The following NAA11 variants were observed in gnomAD, a reference collection of about 807,000 sequenced individuals.
The protein encoded by NAA11 is N-alpha-acetyltransferase 11, NatA catalytic subunit.
NAA11 carries 15 observed loss-of-function variants against 16.1 expected under a neutral mutation model. That is an observed-to-expected ratio of 0.93 (90% CI 0.62 to 1.44). NAA11 has a LOEUF of 1.44. Among genes scored for constraint, NAA11 ranks in the 40% most tolerant of loss-of-function variants. The pLI, the probability that NAA11 is intolerant of heterozygous loss-of-function variation, is 0.00. For missense variants in NAA11, 298 were observed against 291.3 expected (o/e 1.02, Z -0.17); for synonymous variants, 122 against 112.4 (o/e 1.09, Z -0.54).
intron 2 of NAA11, among the ~76,000 whole-genome samples, chr4:79,281,579 T>C (rs558543443): frequency 6.6e-6 from 1 of 152,134 alleles, no homozygotes; most frequent in Non-Finnish European, 1.5e-5. Flanking sequence ...AGATAAGTGA[T>C]TAATAAATAA....
At chr4:79,298,884 T>G (rs1329691973) in intron 1 of NAA11, 1 of 152,262 alleles carries the variant, frequency 6.6e-6, no homozygotes, top group Non-Finnish European at 1.5e-5. Flanking sequence ...GTTAACAGTT[T>G]AATAACATGT....
At chr4:79,155,811 T>C in the NAA11 span, among the ~76,000 whole-genome samples, 7 of 152,248 alleles carry the variant, frequency 4.6e-5, no homozygotes, top group African/African-American at 7.2e-5. Flanking sequence ...ATTTTACCCA[T>C]GGACAAAGTA....
At chr4:79,218,202 G>GAC in the NAA11 span, among the ~76,000 whole-genome samples, 1 of 152,114 alleles carries the variant, frequency 6.6e-6, no homozygotes. Context: ...TCAGTATCAT[G>GAC]TGTCCTCACT....
intron 2 of NAA11, among the ~76,000 whole-genome samples, chr4:79,265,100 G>A (rs1722315600): frequency 6.6e-6 from 1 of 152,086 alleles, no homozygotes; most frequent in South Asian, 2.1e-4. Flanking sequence ...CTCCCAGTTG[G>A]TCGGATAAAG....
chr4:79,296,997 C>T (rs1723238851), intron 1 of NAA11, among the ~76,000 whole-genome samples: 1 of 151,624 alleles, frequency 6.6e-6, no homozygotes, highest in African/African-American at 2.4e-5. Flanking sequence ...GTGGGAGCAT[C>T]ATCAATGGCA....
intron 2 of NAA11, among the ~76,000 whole-genome samples, chr4:79,279,784 T>C (rs564502364): frequency 7.4e-4 from 112 of 152,214 alleles, no homozygotes; most frequent in Middle Eastern, 3.4e-3. Context: ...TTCTAAAGTG[T>C]TAGCTGGCAA....
At chr4:79,316,619 C>T (rs1353807186), downstream of NAA11, 1 of 152,104 alleles carries the variant, frequency 6.6e-6, no homozygotes, top group African/African-American at 2.4e-5. Context: ...ATTCAGTGAA[C>T]ATAAAAACAA....
At chr4:79,208,946 A>AAAAAAC in the NAA11 span, among the ~76,000 whole-genome samples, 3 of 148,634 alleles carry the variant, frequency 2.0e-5, no homozygotes, top group African/African-American at 7.4e-5. Context: ...AAAAAAAAAA[A>AAAAAAC]ACCCCAAAAA....
the NAA11 span, among the ~76,000 whole-genome samples, chr4:79,210,235 C>G: frequency 6.6e-6 from 1 of 151,958 alleles, no homozygotes; most frequent in African/African-American, 2.4e-5. Flanking sequence ...TGGAAAGTTA[C>G]AGTTAGGGGA....
At chr4:79,297,879 G>A (rs1206856072) in intron 1 of NAA11, among the ~76,000 whole-genome samples, 1 of 152,162 alleles carries the variant, frequency 6.6e-6, no homozygotes, top group Non-Finnish European at 1.5e-5. Flanking sequence ...CCTGAAGGCT[G>A]GGGGGCAGGC....
At chr4:79,227,252 A>G (rs1374080089) in intron 2 of NAA11, 2 of 151,986 alleles carry the variant, frequency 1.3e-5, no homozygotes, top group African/African-American at 4.8e-5. Flanking sequence ...AATTTTTGCA[A>G]TCTACTCATC....
chr4:79,325,620 C>T lies in NAA11; in HGVS notation c.258G>A (p.Leu86=). The change falls in exon 1 of 2, where the codon CTG becomes CTA. Residue 86 remains leucine (L), a synonymous_variant. Coordinates refer to ENST00000286794, the MANE Select transcript of NAA11 (RefSeq NM_032693.3). ...AVKRSHRRLG[L]AQKLMDQASR... ...AGGCCTGGTCCATCAGCTTCTGGGC[C>T]AGGCCGAGGCGCCGGTGTGAACGCT... The T allele has an allele frequency of 6.2e-7, 1 of 1,614,026 alleles. No individual in the cohort carries two copies. The highest frequency in any genetic ancestry group is 8.5e-7 in the Non-Finnish European group (1 of 1,179,948).
chr4:79,282,422 T>C (rs1205859350), intron 2 of NAA11, among the ~76,000 whole-genome samples: 2 of 151,986 alleles, frequency 1.3e-5, no homozygotes, highest in Non-Finnish European at 2.9e-5. Context: ...TAGGAGACAA[T>C]AGAAGAAGTC....
chr4:79,284,385 C>A (rs535288253), intron 2 of NAA11, among the ~76,000 whole-genome samples: 2 of 152,152 alleles, frequency 1.3e-5, no homozygotes, highest in Admixed American at 6.6e-5. Context: ...TAAATCGAAT[C>A]TTGACTGTCA....
chr4:79,307,991 G>A (rs1022786487), intron 1 of NAA11, among the ~76,000 whole-genome samples: 1 of 151,908 alleles, frequency 6.6e-6, no homozygotes, highest in African/African-American at 2.4e-5. Context: ...GTAATTCCAT[G>A]GATATGAAAT....
At chr4:79,191,340 T>G in the NAA11 span, among the ~76,000 whole-genome samples, 11 of 149,678 alleles carry the variant, frequency 7.3e-5, no homozygotes, top group African/African-American at 2.7e-4. Flanking sequence ...ATCTGCTGTT[T>G]TTTTTTTTTT....
chr4:79,160,699 A>C, the NAA11 span, among the ~76,000 whole-genome samples: 1 of 152,192 alleles, frequency 6.6e-6, no homozygotes, highest in African/African-American at 2.4e-5. Flanking sequence ...TTTAAAATCG[A>C]ATTTTTAAAC....
intron 2 of NAA11, among the ~76,000 whole-genome samples, chr4:79,249,333 A>T (rs557355716): frequency 8.7e-4 from 133 of 152,376 alleles, no homozygotes; most frequent in African/African-American, 3.1e-3. Context: ...GACATTCATG[A>T]GAAAGTTGAA....
Position 79,250,640 on chromosome 4 carries a change from T to C in NAA11, c.*123-24370A>G, listed in dbSNP as rs556311250. ...ACAAAAATTGATATGTGGGACCTGA[T>C]TAAAGTAAAGAGTTTCTGCACAGCC... is the stretch of plus-strand genomic sequence containing the variant. On this transcript the variant is annotated intron_variant and NMD_transcript_variant, in intron 2 of 2. Transcript: ENST00000511542. Among the ~76,000 whole-genome samples, 29 of 152,256 alleles carry C rather than the reference T, an allele frequency of 1.9e-4. 1 individual carries two copies. In the Middle Eastern group the frequency reaches 0.01, roughly 54 times the overall value.
Sources: allele counts gnomAD v4.1 joint callset (sites outside exome capture counted in the v4.1 genomes callset), GRCh38; gene constraint gnomAD v4.1.1; transcripts MANE v1.5; gene names NCBI Gene and HGNC (gene_info 2026-07-23, HGNC 2026-07-21).